CAPN8: variants seen among roughly 807,000 people sequenced by gnomAD.
CAPN8 encodes the protein calpain-8.
A neutral mutation model predicts 80.9 loss-of-function variants in CAPN8; 87 were observed. The ratio of observed to expected loss-of-function variants is 1.07; its 90% CI spans 0.90 to 1.28. The LOEUF is 1.28. Among genes scored for constraint, CAPN8 ranks in the 50% most tolerant of loss-of-function variants. The pLI, the probability that CAPN8 is intolerant of heterozygous loss-of-function variation, is 0.00. For missense variants in CAPN8, 757 were observed against 702.0 expected, an observed-to-expected ratio of 1.08 and a Z score of -0.89; for synonymous variants, 299 against 273.8, an observed-to-expected ratio of 1.09 and a Z score of -0.91.
intron 4 of CAPN8, 134 bp from the exon 5 acceptor site, chr1:223,627,291 G>T: frequency 1.0e-6 from 1 of 986,374 alleles, no homozygotes; most frequent in Non-Finnish European, 1.5e-6. Context: ...TTTGCCTATG[G>T]GCCAGGAAGG....
At chr1:223,611,483 C>A (rs1657029306) in intron 11 of CAPN8, among the ~76,000 whole-genome samples, 1 of 152,192 alleles carries the variant, frequency 6.6e-6, no homozygotes, top group Non-Finnish European at 1.5e-5. Context: ...GAGTGTGGAC[C>A]TGCCTGTCAG....
intron 14 of CAPN8, among the ~76,000 whole-genome samples, chr1:223,553,453 G>T (rs1035790486): frequency 1.3e-5 from 2 of 152,168 alleles, no homozygotes; most frequent in African/African-American, 4.8e-5. Flanking sequence ...TTCCACTGCG[G>T]CTGGGCAATC....
chr1:223,615,204 T>C (rs896939100), intron 10 of CAPN8, among the ~76,000 whole-genome samples: 9 of 152,268 alleles, frequency 5.9e-5, no homozygotes, highest in Admixed American at 5.9e-4. Flanking sequence ...ATTAGAATTG[T>C]ATTTTTCCCA....
At chr1:223,545,393 T>C (rs549707179) in intron 16 of CAPN8, 94 bp from the exon 17 acceptor site, 8 of 1,527,268 alleles carry the variant, frequency 5.2e-6, no homozygotes, top group African/African-American at 1.4e-5. Context: ...CCTTAAGGCC[T>C]TAGTGAACCT....
At chr1:223,638,236 G>C (rs1248615124) in intron 2 of CAPN8, among the ~76,000 whole-genome samples, 1 of 152,112 alleles carries the variant, frequency 6.6e-6, no homozygotes, top group East Asian at 1.9e-4. Context: ...TATATGGGAG[G>C]ATATGCATGG....
intron 1 of CAPN8, among the ~76,000 whole-genome samples, chr1:223,654,706 C>T (rs1333593509): frequency 6.6e-6 from 1 of 152,022 alleles, no homozygotes; most frequent in Non-Finnish European, 1.5e-5. Context: ...GACAGCGTCT[C>T]GCTTTGTTGC....
chr1:223,627,510 T>G (rs921900981), intron 4 of CAPN8, among the ~76,000 whole-genome samples: 1 of 152,180 alleles, frequency 6.6e-6, no homozygotes, highest in Non-Finnish European at 1.5e-5. Context: ...TGAGGCTTGC[T>G]GGGAAATAGA....
chr1:223,663,626 T>A (rs1658709253), intron 1 of CAPN8, among the ~76,000 whole-genome samples: 1 of 152,202 alleles, frequency 6.6e-6, no homozygotes, highest in Non-Finnish European at 1.5e-5. Context: ...AAAAACTGTC[T>A]GTTGAAATGA....
In CAPN8 at chr1:223,553,857, C is replaced by T. The variant is rs1277686236; in HGVS notation, c.1616G>A (p.Arg539Lys). 6 of 398,584 alleles carry T rather than the reference C, an allele frequency of 1.5e-5. No homozygotes were observed. The highest frequency in any genetic ancestry group is 4.4e-6 in the Non-Finnish European group (1 of 226,126). 24.7% of individuals were successfully genotyped at this position (398,584 alleles called of 1,614,324 possible). Reference protein sequence around the residue: ...EVDQEDDQFRRLFEKLAGKDS... With the variant: ...EVDQEDDQFRKLFEKLAGKDS... ...CTTCCCTGCCAACTTCTCAAACAGC[C>T]TCCTGAACTGGTCATCTTCCTGATC... The change falls in exon 14 of 21, where the codon AGG becomes AAG. Residue 539 changes from arginine to lysine, a missense_variant. By Grantham distance (26) the Arg-to-Lys change is conservative. Transcript: ENST00000366872.
intron 2 of CAPN8, among the ~76,000 whole-genome samples, chr1:223,642,046 G>A (rs973009439): frequency 4.6e-5 from 7 of 152,102 alleles, no homozygotes; most frequent in African/African-American, 1.4e-4. Flanking sequence ...CTAGAACATC[G>A]TCCTCCTTTT....
chr1:223,652,294 A>G (rs919167751), intron 2 of CAPN8, among the ~76,000 whole-genome samples: 18 of 152,166 alleles, frequency 1.2e-4, no homozygotes, highest in African/African-American at 3.9e-4. Context: ...GTGAGCCGAT[A>G]TCGGGCCACT....
At chr1:223,646,853 G>A (rs149873630) in intron 2 of CAPN8, among the ~76,000 whole-genome samples, 2 of 152,144 alleles carry the variant, frequency 1.3e-5, no homozygotes, top group African/African-American at 2.4e-5. Context: ...TCTGTGAAAG[G>A]TGTTAAAATA....
intron 15 of CAPN8, among the ~76,000 whole-genome samples, chr1:223,550,446 A>G (rs1230183432): frequency 6.6e-6 from 1 of 152,182 alleles, no homozygotes; most frequent in African/African-American, 2.4e-5. Flanking sequence ...GCTGGGGCTC[A>G]GAGGGGAGAT....
At chr1:223,631,628 G>A (rs760642699) in intron 2 of CAPN8, among the ~76,000 whole-genome samples, 2 of 152,186 alleles carry the variant, frequency 1.3e-5, no homozygotes, top group Non-Finnish European at 2.9e-5. Flanking sequence ...ATGACTACAT[G>A]AATCAATGAA....
chr1:223,613,015 T>C (rs893758101), intron 10 of CAPN8, among the ~76,000 whole-genome samples: 2 of 151,462 alleles, frequency 1.3e-5, no homozygotes, highest in African/African-American at 2.4e-5. Context: ...CATAAGAGAG[T>C]AGCTCTCAGA....
intron 6 of CAPN8, among the ~76,000 whole-genome samples, chr1:223,623,860 C>T (rs1437304109): frequency 4.6e-5 from 7 of 151,894 alleles, no homozygotes; most frequent in African/African-American, 1.2e-4. Context: ...ATTAGCTGGG[C>T]GTGGTGGCGC....
At chr1:223,663,217 T>C (rs758583429) in intron 1 of CAPN8, among the ~76,000 whole-genome samples, 1 of 152,206 alleles carries the variant, frequency 6.6e-6, no homozygotes. Flanking sequence ...GAAGACATAG[T>C]TTGGGGAAGA....
chr1:223,664,968 GGGGGGC>G lies in CAPN8; in HGVS notation c.237+436_237+441del, dbSNP rs1419738445. 1.3e-4 allele frequency among the ~76,000 whole-genome samples: 20 copies of G among 151,920 alleles called. No homozygotes were observed. The East Asian group carries it at 3.9e-3, about 30-fold the overall frequency. ...AAAAATAAGAGTTCAAAAGGTGATGGGGGGGCCAGATGCAGTGGCTCATGCCTGCTA... is the reference window on the plus strand; with the variant it reads ...AAAAATAAGAGTTCAAAAGGTGATGGCAGATGCAGTGGCTCATGCCTGCTA... On this transcript the variant is annotated intron_variant, in intron 1 of 20. Transcript: ENST00000366872.
intron 15 of CAPN8, among the ~76,000 whole-genome samples, chr1:223,550,621 T>C (rs1035989471): frequency 9.9e-5 from 15 of 152,186 alleles, no homozygotes; most frequent in African/African-American, 3.4e-4. Context: ...TCCAAGTTAT[T>C]AATTTTGTGA....
Sources: gnomAD v4.1 joint callset for allele counts (sites outside exome capture counted in the v4.1 genomes callset) on GRCh38, gnomAD v4.1.1 for gene constraint, MANE v1.5 for transcripts, NCBI Gene and HGNC (gene_info 2026-07-23, HGNC 2026-07-21) for gene names.